Variants in SFXN4 observed in about 807,000 individuals in gnomAD.
SFXN4 encodes sideroflexin 4.
In SFXN4, 48 loss-of-function variants were observed where a neutral mutation model predicts 54.6. That is an observed-to-expected ratio of 0.88 (90% CI 0.70 to 1.12). The LOEUF is 1.12. Among genes scored for constraint, SFXN4 ranks in the 50% most tolerant of loss-of-function variants. The pLI is 0.00. For missense variants in SFXN4, 383 were observed against 409.2 expected, an observed-to-expected ratio of 0.94 and a Z score of 0.55; for synonymous variants, 130 against 145.5, an observed-to-expected ratio of 0.89 and a Z score of 0.77.
chr10:119,146,388 T>A, intron 12 of SFXN4, 35 bp from the exon 13 acceptor site: 1 of 1,313,142 alleles, frequency 7.6e-7, no homozygotes, highest in Non-Finnish European at 1.1e-6. Flanking sequence ...CAAGTGATGT[T>A]AAACTATCAG....
rs1846502887 is a variant in SFXN4 at position 119,141,130 on chromosome 10, GCA to G, written c.*110_*111del. On this transcript the variant is annotated 3_prime_UTR_variant, in exon 14 of 14. Coordinates refer to ENST00000355697, the MANE Select transcript of SFXN4 (RefSeq NM_213649.2). The stretch of plus-strand genomic sequence containing the variant: ...TATGGAATCTGAAGTCGCCTTGTCA[GCA>G]CAGACACCTCTGGGGTCCCCAGAAG... The G allele has an allele frequency of 1.4e-6, 1 of 711,910 alleles. No individual in the cohort carries two copies. The highest frequency in any genetic ancestry group is 1.8e-5 in the African/African-American group (1 of 54,792). The allele number at this position is 711,910 out of a possible 1,614,324, so 44.1% of individuals were successfully genotyped here.
In SFXN4 at chr10:119,141,120, C is replaced by T. The variant is rs529514261; in HGVS notation, c.*122G>A. On this transcript the variant is annotated 3_prime_UTR_variant, in exon 14 of 14. Transcript: ENST00000355697. Reference sequence around the variant, plus strand: ...ACGATCTCAGTATGGAATCTGAAGTCGCCTTGTCAGCACAGACACCTCTGG... The same window carrying T: ...ACGATCTCAGTATGGAATCTGAAGTTGCCTTGTCAGCACAGACACCTCTGG... 6.5e-5 allele frequency: 42 copies of T among 644,852 alleles called. 2 individuals are homozygous for T. Among genetic ancestry groups the T allele is most frequent in the South Asian group, 4.8e-4 (23 of 47,910 alleles). 39.9% of individuals were successfully genotyped at this position (644,852 alleles called of 1,614,324 possible).
chr10:119,163,908 C>T (rs113223944), intron 2 of SFXN4, among the ~76,000 whole-genome samples: 5 of 151,954 alleles, frequency 3.3e-5, no homozygotes, highest in African/African-American at 9.6e-5. Context: ...GGCATGGTGG[C>T]GCATGCCTGC....
chr10:119,146,355 T>G lies in SFXN4; in HGVS notation c.819-2A>C. The G allele has an allele frequency of 1.3e-6, 2 of 1,574,370 alleles. No homozygotes were observed. Among genetic ancestry groups the G allele is most frequent in the Non-Finnish European group, 1.7e-6 (2 of 1,144,984 alleles). On this transcript the variant is annotated splice_acceptor_variant, in intron 12 of 13. Transcript: ENST00000355697. LOFTEE classifies it high-confidence loss of function. ...GGGTTTTTCCTGAAATACTGGGTCC[T>G]GTAAGAGACAAGGCATGGCTCACAA...
At chr10:119,143,747 G>A (rs1039235241) in intron 13 of SFXN4, among the ~76,000 whole-genome samples, 1 of 152,110 alleles carries the variant, frequency 6.6e-6, no homozygotes, top group Admixed American at 6.6e-5. Flanking sequence ...AGAGTGCTGG[G>A]ATTACAGGCA....
chr10:119,163,758 A>T (rs947423611), intron 2 of SFXN4, among the ~76,000 whole-genome samples: 1 of 152,110 alleles, frequency 6.6e-6, no homozygotes, highest in African/African-American at 2.4e-5. Flanking sequence ...AGAAGGAATA[A>T]ACACAATAAT....
chr10:119,152,662 T>C (rs1374539205), intron 11 of SFXN4, among the ~76,000 whole-genome samples: 15 of 152,184 alleles, frequency 9.9e-5, no homozygotes, highest in Non-Finnish European at 2.2e-4. Context: ...GCTATGCTAC[T>C]AGATGGTCTA....
chr10:119,157,740 AG>A lies in SFXN4; in HGVS notation c.472-8del. Reference sequence around the variant, plus strand: ...TTTCTAGTGGCTTACAAGTCTAAGGAGAAACAAAAGTACTTAATTAGCAAAT... The same window carrying A: ...TTTCTAGTGGCTTACAAGTCTAAGGAAAACAAAAGTACTTAATTAGCAAAT... On this transcript the variant is annotated splice_polypyrimidine_tract_variant and splice_region_variant and intron_variant, in intron 8 of 13. Coordinates refer to ENST00000355697, the MANE Select transcript of SFXN4 (RefSeq NM_213649.2). 1 of 1,608,668 alleles carries A rather than the reference AG, an allele frequency of 6.2e-7. No individual in the cohort carries two copies. Among genetic ancestry groups the A allele is most frequent in the South Asian group, 1.1e-5 (1 of 89,836 alleles).
At chr10:119,142,726 A>ATTTTTT (rs573311460) in intron 13 of SFXN4, among the ~76,000 whole-genome samples, 49 of 77,430 alleles carry the variant, frequency 6.3e-4, no homozygotes, top group East Asian at 1.2e-3. Context: ...AATGTTTTGA[A>ATTTTTT]TTTTTTTTTT....
intron 1 of SFXN4, 92 bp downstream of exon 1, chr10:119,165,445 G>T: frequency 7.3e-7 from 1 of 1,375,734 alleles, no homozygotes; most frequent in African/African-American, 1.5e-5. Context: ...GGGCGCCCAC[G>T]TGGCCTGGCC....
chr10:119,142,726 A>ATTTTTTT (rs573311460), intron 13 of SFXN4, among the ~76,000 whole-genome samples: 24 of 77,442 alleles, frequency 3.1e-4, no homozygotes, highest in Non-Finnish European at 3.9e-4. Context: ...AATGTTTTGA[A>ATTTTTTT]TTTTTTTTTT....
intron 2 of SFXN4, among the ~76,000 whole-genome samples, chr10:119,162,803 T>C (rs1379226446): frequency 3.3e-5 from 5 of 152,140 alleles, no homozygotes; most frequent in African/African-American, 7.2e-5. Context: ...TCTTTTCTTA[T>C]TGTTTTTTAA....
At chr10:119,154,161 G>C (rs1239654307) in intron 11 of SFXN4, among the ~76,000 whole-genome samples, 1 of 151,310 alleles carries the variant, frequency 6.6e-6, no homozygotes, top group Non-Finnish European at 1.5e-5. Flanking sequence ...CTGGGTGACA[G>C]GGCAAGACTC....
intron 3 of SFXN4, among the ~76,000 whole-genome samples, chr10:119,161,767 A>G (rs934374595): frequency 6.6e-6 from 1 of 152,190 alleles, no homozygotes; most frequent in African/African-American, 2.4e-5. Flanking sequence ...CTGTGTGCTG[A>G]TGACACACCA....
At chr10:119,142,221 AAAC>A (rs887457041) in intron 13 of SFXN4, among the ~76,000 whole-genome samples, 1 of 152,036 alleles carries the variant, frequency 6.6e-6, no homozygotes, top group African/African-American at 2.4e-5. Context: ...AACAAACAAA[AAAC>A]AAATGTAGAA....
At position 119,157,750 on chromosome 10, in the gene SFXN4, G is replaced by C; in HGVS notation, c.472-17C>G. The C allele has an allele frequency of 6.2e-7, 1 of 1,607,722 alleles. No homozygotes were observed. ...CTTACAAGTCTAAGGAGAAACAAAA[G>C]TACTTAATTAGCAAATATCACAGTT... On this transcript the variant is annotated splice_polypyrimidine_tract_variant and intron_variant, in intron 8 of 13. Coordinates refer to ENST00000355697, the MANE Select transcript of SFXN4 (RefSeq NM_213649.2).
chr10:119,148,669 T>G (rs944287601), intron 11 of SFXN4, among the ~76,000 whole-genome samples: 6 of 152,202 alleles, frequency 3.9e-5, no homozygotes, highest in Non-Finnish European at 8.8e-5. Flanking sequence ...CACAGCGAAT[T>G]AAAAGTGTTA....
chr10:119,165,609 C>A lies in SFXN4; in HGVS notation c.39G>T (p.Arg13=), dbSNP rs201492747. The A allele has an allele frequency of 1.9e-6, 3 of 1,593,574 alleles. No homozygotes were observed. Among genetic ancestry groups the A allele is most frequent in the Admixed American group, 3.4e-5 (2 of 58,512 alleles). Residue 13 remains arginine (R), a synonymous_variant, in exon 1 of 14, where the codon CGG becomes CGT. Coordinates refer to ENST00000355697, the MANE Select transcript of SFXN4 (RefSeq NM_213649.2). The part of the protein sequence containing the change: ...LEQEEETQPG[R]LLGRRDAVPA... ...GGACGGCGTCTCTGCGTCCTAGGAG[C>A]CGCCCAGGTTGCGTTTCCTCCTCCT...
At chr10:119,161,134 A>G in intron 3 of SFXN4, 53 bp from the exon 4 acceptor site, 2 of 1,592,366 alleles carry the variant, frequency 1.3e-6, no homozygotes, top group Non-Finnish European at 1.7e-6. Flanking sequence ...TTTTTAAGAG[A>G]CAAGGTCTTG....
Sources: allele counts gnomAD v4.1 joint callset (sites outside exome capture counted in the v4.1 genomes callset), GRCh38; gene constraint gnomAD v4.1.1; transcripts MANE v1.5; gene names NCBI Gene and HGNC (gene_info 2026-07-23, HGNC 2026-07-21).